Variants in GNL1 observed in about 807,000 individuals in gnomAD.
GNL1 encodes the protein guanine nucleotide-binding protein-like 1.
Under a neutral mutation model 75.2 loss-of-function variants are expected in GNL1, and 21 were observed. The observed-to-expected ratio is 0.28, with a 90% confidence interval of 0.20 to 0.40. The LOEUF (loss-of-function observed/expected upper bound fraction) is 0.40, where lower values mean the gene tolerates loss of function less well. Ranked by LOEUF, GNL1 falls within the 10% of genes least tolerant of loss-of-function variation. GNL1 has a pLI of 1.00. For missense variants in GNL1, 579 were observed against 775.0 expected, an observed-to-expected ratio of 0.75 and a Z score of 3.00; for synonymous variants, 287 against 303.4, an observed-to-expected ratio of 0.95 and a Z score of 0.56.
chr6:30,552,152 C>T lies in GNL1; in HGVS notation c.1099+315G>A. 1 of 363,232 alleles carries T rather than the reference C, an allele frequency of 2.8e-6. No individual in the cohort carries two copies. The allele number at this position is 363,232 out of a possible 1,614,324, so 22.5% of individuals were successfully genotyped here. On this transcript the variant is annotated intron_variant, in intron 8 of 11. Transcript: ENST00000376621. The surrounding 1 kb of genome is among the most constrained non-coding windows in gnomAD (Gnocchi z 4.5). ...GCGCTGGGACTATATAGGCATGAGC[C>T]CTCACACATGGCCGTCATCCATTCT... is the stretch of plus-strand genomic sequence containing the variant.
intron 5 of GNL1, 100 bp from the exon 6 acceptor site, chr6:30,553,657 T>C (rs1373262772): frequency 6.3e-6 from 5 of 789,274 alleles, no homozygotes; most frequent in African/African-American, 1.7e-5. Flanking sequence ...GACAAGGCCC[T>C]GGTGGTAGCA....
rs1408961922 is a variant in GNL1 at position 30,545,113 on chromosome 6, C to CA, written c.*958dup. 3.3e-5 allele frequency: 5 copies of CA among 152,180 alleles called. No individual in the cohort carries two copies. Among genetic ancestry groups the CA allele is most frequent in the Non-Finnish European group, 7.3e-5 (5 of 68,036 alleles). 9.4% of individuals were successfully genotyped at this position (152,180 alleles called of 1,614,324 possible). A position where few individuals can be genotyped will look rare whatever the true frequency, so the allele number is the denominator to read the frequency against. On this transcript the variant is annotated 3_prime_UTR_variant, in exon 12 of 12. Coordinates refer to ENST00000376621, the MANE Select transcript of GNL1 (RefSeq NM_005275.5). ...TTCTAGCTCAGACCCTGCACTGGAT[C>CA]ATCTTTGTTCCACCCCCAAACCAGA...
In GNL1 at chr6:30,555,257, C is replaced by T. The variant is rs1562716107; in HGVS notation, c.240-66G>A. On this transcript the variant is annotated intron_variant, in intron 2 of 11. Transcript: ENST00000376621. This position sits in a 1 kb window ranked among gnomAD's most constrained non-coding sequence, Gnocchi z 4.3. ...GCCACAAACTCCTATTTTCTCCCCT[C>T]TTGTACAATCAACTTCGCAAACCAT... 3.8e-6 allele frequency: 6 copies of T among 1,591,708 alleles called. No homozygotes were observed. The highest frequency in any genetic ancestry group is 5.2e-6 in the Non-Finnish European group (6 of 1,162,830).
Position 30,556,274 on chromosome 6 carries a change from GC to G in GNL1, c.-72del. The G allele has an allele frequency of 2.0e-6, 3 of 1,499,822 alleles. No individual in the cohort carries two copies. The highest frequency in any genetic ancestry group is 2.0e-5 in the Admixed American group (1 of 49,936). 92.9% of individuals were successfully genotyped at this position (1,499,822 alleles called of 1,614,324 possible). On this transcript the variant is annotated 5_prime_UTR_variant, in exon 1 of 12. Coordinates refer to ENST00000376621, the MANE Select transcript of GNL1 (RefSeq NM_005275.5). The surrounding 1 kb of genome is among the most constrained non-coding windows in gnomAD (Gnocchi z 5.7). ...CCTCAACTGACTGCCCCCCGGGGCAGCCCCCGCCGCAGGGGCCCGGGACCCT... is the reference window on the plus strand; with the variant it reads ...CCTCAACTGACTGCCCCCCGGGGCAGCCCCGCCGCAGGGGCCCGGGACCCT...
intron 8 of GNL1, among the ~76,000 whole-genome samples, chr6:30,549,490 TTC>T (rs1420638293): frequency 6.6e-6 from 1 of 152,208 alleles, no homozygotes; most frequent in East Asian, 1.9e-4. Flanking sequence ...TCAGACTCTT[TTC>T]ACACAATGTT....
At position 30,542,647 on chromosome 6, in the gene GNL1, A is replaced by T. The variant is rs1799233149; in HGVS notation, c.*3425T>A. ...CCCTACACAGCAAAACAATCCCAAG[A>T]CATGTCAATTCTATCTCCTGAGCAA... is the stretch of plus-strand genomic sequence containing the variant. On this transcript the variant is annotated 3_prime_UTR_variant, in exon 12 of 12. Coordinates refer to ENST00000376621, the MANE Select transcript of GNL1 (RefSeq NM_005275.5). This position sits in a 1 kb window ranked among gnomAD's most constrained non-coding sequence, Gnocchi z 4.5. The T allele has an allele frequency of 6.6e-6, 1 of 152,158 alleles. No individual in the cohort carries two copies. The highest frequency in any genetic ancestry group is 1.5e-5 in the Non-Finnish European group (1 of 68,040). The allele number at this position is 152,158 out of a possible 1,614,324, so 9.4% of individuals were successfully genotyped here. A position where few individuals can be genotyped will look rare whatever the true frequency, so the allele number is the denominator to read the frequency against.
Position 30,555,602 on chromosome 6 carries a change from G to A in GNL1, c.192C>T (p.Asn64=), listed in dbSNP as rs1376029803. ...GACCCAGCCCCTGAGAAGGCTGCTGGTTAAGCCTGCGGATATGATGGGTCA... is the reference window on the plus strand; with the variant it reads ...GACCCAGCCCCTGAGAAGGCTGCTGATTAAGCCTGCGGATATGATGGGTCA... ...ESVTHHIRRL[N]QQPSQGLGPR... Residue 64 remains asparagine, a synonymous_variant, in exon 2 of 12, where the codon AAC becomes AAT. Coordinates refer to ENST00000376621, the MANE Select transcript of GNL1 (RefSeq NM_005275.5). This position sits in a 1 kb window ranked among gnomAD's most constrained non-coding sequence, Gnocchi z 4.3. 1.2e-6 allele frequency: 2 copies of A among 1,614,068 alleles called. No homozygotes were observed. The highest frequency in any genetic ancestry group is 1.7e-6 in the Non-Finnish European group (2 of 1,179,974).
rs972750298 is a variant in GNL1 at position 30,556,331 on chromosome 6, C to G, written c.-128G>C. The G allele has an allele frequency of 4.8e-6, 5 of 1,033,518 alleles. No homozygotes were observed. Among genetic ancestry groups the G allele is most frequent in the Non-Finnish European group, 7.1e-6 (5 of 699,844 alleles). The allele number at this position is 1,033,518 out of a possible 1,614,324, so 64.0% of individuals were successfully genotyped here. Reference sequence around the variant, plus strand: ...AGGCGGGGCTAGCAGGTGACGTCAGCGGGCGGGCCCGACAGAATTACCGCC... The same window carrying G: ...AGGCGGGGCTAGCAGGTGACGTCAGGGGGCGGGCCCGACAGAATTACCGCC... On this transcript the variant is annotated 5_prime_UTR_variant, in exon 1 of 12. Coordinates refer to ENST00000376621, the MANE Select transcript of GNL1 (RefSeq NM_005275.5). This position sits in a 1 kb window ranked among gnomAD's most constrained non-coding sequence, Gnocchi z 5.7.
rs1338190327 is a variant in GNL1 at position 30,544,698 on chromosome 6, G to A, written c.*1374C>T. Reference sequence around the variant, plus strand: ...TGAGACCAATGGAGATGAACCTAAAGCAATATGTGGCCAAACACCTTAGCC... The same window carrying A: ...TGAGACCAATGGAGATGAACCTAAAACAATATGTGGCCAAACACCTTAGCC... On this transcript the variant is annotated 3_prime_UTR_variant, in exon 12 of 12. Coordinates refer to ENST00000376621, the MANE Select transcript of GNL1 (RefSeq NM_005275.5). 6.6e-6 allele frequency: 1 copy of A among 152,206 alleles called. No homozygotes were observed. Among genetic ancestry groups the A allele is most frequent in the Admixed American group, 6.5e-5 (1 of 15,280 alleles). 9.4% of individuals were successfully genotyped at this position (152,206 alleles called of 1,614,324 possible).
In GNL1 at chr6:30,552,960, C is replaced by T. The variant is rs1799886838; in HGVS notation, c.904+124G>A. On this transcript the variant is annotated intron_variant, in intron 7 of 11. Coordinates refer to ENST00000376621, the MANE Select transcript of GNL1 (RefSeq NM_005275.5). This position sits in a 1 kb window ranked among gnomAD's most constrained non-coding sequence, Gnocchi z 4.5. ...AGTCAGTCTGCTCCTTATTCTGTCC[C>T]TTCCCCTGGCCTCTTGCACATATCC... 6 of 748,980 alleles carry T rather than the reference C, an allele frequency of 8.0e-6. No individual in the cohort carries two copies. The highest frequency in any genetic ancestry group is 1.4e-5 in the Non-Finnish European group (6 of 435,256). The allele number at this position is 748,980 out of a possible 1,614,324, so 46.4% of individuals were successfully genotyped here.
At position 30,553,455 on chromosome 6, in the gene GNL1, C is replaced by G. The variant is rs1166991856; in HGVS notation, c.703G>C (p.Val235Leu). 1.2e-6 allele frequency: 2 copies of G among 1,612,998 alleles called. No individual in the cohort carries two copies. Among genetic ancestry groups the G allele is most frequent in the Non-Finnish European group, 1.7e-6 (2 of 1,179,986 alleles). The change falls in exon 6 of 12, where the codon GTG (valine) becomes CTG (leucine). Residue 235 changes from valine to leucine, a missense_variant. By Grantham distance (32) the Val-to-Leu change is conservative (BLOSUM62 1). Coordinates refer to ENST00000376621, the MANE Select transcript of GNL1 (RefSeq NM_005275.5). ...NKVDLAPPAL[V>L]VAWKHYFHQH... is the part of the protein sequence containing the mutation. ...TGGAAATAATGCTTCCAGGCAACCACAAGAGCTGGCGGGGCCAGATCCACC... is the reference window on the plus strand; with the variant it reads ...TGGAAATAATGCTTCCAGGCAACCAGAAGAGCTGGCGGGGCCAGATCCACC...
chr6:30,546,323 CA>C lies in GNL1; in HGVS notation c.1583-11del. On this transcript the variant is annotated splice_polypyrimidine_tract_variant and intron_variant, in intron 11 of 11. Transcript: ENST00000376621. The surrounding 1 kb of genome is among the most constrained non-coding windows in gnomAD (Gnocchi z 5.1). ...TGGGACTCCCAGGTGCCTGGGGAAC[CA>C]AAACAAGAAAAAAATGGAGGAGAGT... The C allele has an allele frequency of 3.2e-6, 5 of 1,571,880 alleles. No homozygotes were observed. The highest frequency in any genetic ancestry group is 4.3e-6 in the Non-Finnish European group (5 of 1,156,600).
In GNL1 at chr6:30,553,110, G is replaced by A; in HGVS notation, c.878C>T (p.Ala293Val). The A allele has an allele frequency of 1.2e-6, 2 of 1,613,090 alleles. No individual in the cohort carries two copies. The highest frequency in any genetic ancestry group is 4.5e-5 in the East Asian group (2 of 44,868). ...TTTCCCCACAGTGATGGCTTCACAG[G>A]CTCTCAGCAACTGCTCTGGCCCCAG... ...RALGPEQLLRACEAITVGKVD... is the reference protein window; with the variant it reads ...RALGPEQLLRVCEAITVGKVD... Residue 293 changes from alanine to valine, a missense_variant, in exon 7 of 12, where the codon GCC (alanine) becomes GTC (valine). Coordinates refer to ENST00000376621, the MANE Select transcript of GNL1 (RefSeq NM_005275.5).
chr6:30,543,952 G>C lies in GNL1; in HGVS notation c.*2120C>G, dbSNP rs1244432241. The C allele has an allele frequency of 6.6e-6, 1 of 152,244 alleles. No individual in the cohort carries two copies. The highest frequency in any genetic ancestry group is 1.5e-5 in the Non-Finnish European group (1 of 68,042). 9.4% of individuals were successfully genotyped at this position (152,244 alleles called of 1,614,324 possible). A position where few individuals can be genotyped will look rare whatever the true frequency, so the allele number is the denominator to read the frequency against. ...CAGAGCCCCAGACCTCCATGGTCAA[G>C]TATTCACATAGTAGACATGACCCAG... is the stretch of plus-strand genomic sequence containing the variant. On this transcript the variant is annotated 3_prime_UTR_variant, in exon 12 of 12. Coordinates refer to ENST00000376621, the MANE Select transcript of GNL1 (RefSeq NM_005275.5).
At position 30,546,159 on chromosome 6, in the gene GNL1, T is replaced by C. The variant is rs1487891707; in HGVS notation, c.1737A>G (p.Glu579=). The C allele has an allele frequency of 1.3e-6, 2 of 1,563,440 alleles. No homozygotes were observed. Residue 579 remains glutamate (E), a synonymous_variant, in exon 12 of 12, where the codon GAA becomes GAG. Transcript: ENST00000376621. This position sits in a 1 kb window ranked among gnomAD's most constrained non-coding sequence, Gnocchi z 5.1. ...EEDRDADEEG[E]GDEETPTSAP... Reference sequence around the variant, plus strand: ...CCGAGGTTGGGGTCTCCTCATCCCCTTCTCCCTCCTCATCCGCATCCCGGT... The same window carrying C: ...CCGAGGTTGGGGTCTCCTCATCCCCCTCTCCCTCCTCATCCGCATCCCGGT...
Position 30,547,091 on chromosome 6 carries a change from A to C in GNL1, c.1441+21T>G, listed in dbSNP as rs758608731. The C allele has an allele frequency of 5.0e-6, 8 of 1,605,790 alleles. No homozygotes were observed. The highest frequency in any genetic ancestry group is 6.8e-6 in the Non-Finnish European group (8 of 1,174,966). ...GAGCAGCTGAAACCAGGTGGGGCGA[A>C]GCCAGGCACATGGAACTCACCTTCA... On this transcript the variant is annotated intron_variant, in intron 10 of 11. Transcript: ENST00000376621. The surrounding 1 kb of genome is among the most constrained non-coding windows in gnomAD (Gnocchi z 5.5).
intron 8 of GNL1, among the ~76,000 whole-genome samples, chr6:30,551,964 G>A (rs1799808851): frequency 6.6e-6 from 1 of 152,092 alleles, no homozygotes; most frequent in African/African-American, 2.4e-5. Context: ...TTGGGCTCAA[G>A]TGATCCTCCT....
chr6:30,547,607 A>G lies in GNL1; in HGVS notation c.1100-77T>C. 1 of 1,162,960 alleles carries G rather than the reference A, an allele frequency of 8.6e-7. No homozygotes were observed. The allele number at this position is 1,162,960 out of a possible 1,614,324, so 72.0% of individuals were successfully genotyped here. A position where few individuals can be genotyped will look rare whatever the true frequency, so the allele number is the denominator to read the frequency against. On this transcript the variant is annotated intron_variant, in intron 8 of 11. Transcript: ENST00000376621. This position sits in a 1 kb window ranked among gnomAD's most constrained non-coding sequence, Gnocchi z 5.5. ...GACTTGGTGCTATACCTATAGGTAAAAGGGGAACTAAGGCTCAGAAATTAA... is the reference window on the plus strand; with the variant it reads ...GACTTGGTGCTATACCTATAGGTAAGAGGGGAACTAAGGCTCAGAAATTAA...
Position 30,556,010 on chromosome 6 carries a change from G to A in GNL1, c.73+121C>T, listed in dbSNP as rs1800151098. 1.4e-5 allele frequency: 17 copies of A among 1,236,952 alleles called. No individual in the cohort carries two copies. The highest frequency in any genetic ancestry group is 7.3e-5 in the East Asian group (3 of 41,108). The allele number at this position is 1,236,952 out of a possible 1,614,324, so 76.6% of individuals were successfully genotyped here. On this transcript the variant is annotated intron_variant, in intron 1 of 11. Coordinates refer to ENST00000376621, the MANE Select transcript of GNL1 (RefSeq NM_005275.5). This position sits in a 1 kb window ranked among gnomAD's most constrained non-coding sequence, Gnocchi z 5.7. Reference sequence around the variant, plus strand: ...TGGGGGATCCCCTCCGCGATAGGCCGCGAGGGTTGACGCGGTCCCACGACC... The same window carrying A: ...TGGGGGATCCCCTCCGCGATAGGCCACGAGGGTTGACGCGGTCCCACGACC...
Sources: gnomAD v4.1 joint callset for allele counts (sites outside exome capture counted in the v4.1 genomes callset) on GRCh38, gnomAD v4.1.1 for gene constraint, Gnocchi (gnomAD v3.1) non-coding constraint, MANE v1.5 for transcripts, NCBI Gene and HGNC (gene_info 2026-07-23, HGNC 2026-07-21) for gene names.